KCNAB1: variants seen among roughly 807,000 people sequenced by gnomAD.
The protein encoded by KCNAB1 is potassium voltage-gated channel subfamily A regulatory beta subunit 1.
Under a neutral mutation model 64.6 loss-of-function variants are expected in KCNAB1, and 35 were observed. The observed-to-expected ratio is 0.54, with a 90% confidence interval of 0.41 to 0.72. The LOEUF (loss-of-function observed/expected upper bound fraction) is 0.72, where lower values mean the gene tolerates loss of function less well. Ranked by LOEUF, KCNAB1 falls within the 30% of genes least tolerant of loss-of-function variation. The probability of loss-of-function intolerance (pLI) is 0.00; values close to 1 mark genes in which losing one functional copy is unlikely to be tolerated. For missense variants in KCNAB1, 401 were observed against 512.9 expected (o/e 0.78, Z 2.11); for synonymous variants, 177 against 183.8 (o/e 0.96, Z 0.30).
intron 1 of KCNAB1, among the ~76,000 whole-genome samples, chr3:156,335,304 C>T (rs897286796): frequency 6.6e-6 from 1 of 152,218 alleles, no homozygotes; most frequent in Non-Finnish European, 1.5e-5. Context: ...CACACCCTCC[C>T]CTTTGCCCTC....
At chr3:156,361,802 G>A (rs748136055) in intron 1 of KCNAB1, among the ~76,000 whole-genome samples, 1 of 152,062 alleles carries the variant, frequency 6.6e-6, no homozygotes, top group Non-Finnish European at 1.5e-5. Flanking sequence ...GGGAGTACAG[G>A]CTCATGCCAC....
intron 1 of KCNAB1, among the ~76,000 whole-genome samples, chr3:156,211,141 G>A (rs997379043): frequency 1.3e-5 from 2 of 152,132 alleles, no homozygotes; most frequent in African/African-American, 4.8e-5. Flanking sequence ...TCTCATCCAT[G>A]CTGAGAGAAT....
Position 156,400,288 on chromosome 3 carries a change from G to A in KCNAB1, c.276-21328G>A, listed in dbSNP as rs114868842. Among the ~76,000 whole-genome samples, 444 of 152,298 alleles carry A rather than the reference G, an allele frequency of 2.9e-3. 1 individual carries two copies. Among genetic ancestry groups the A allele is most frequent in the Admixed American group, 8.8e-3 (134 of 15,300 alleles). On this transcript the variant is annotated intron_variant, in intron 1 of 13. Transcript: ENST00000490337. ...ATGTGTTTGGAGCCTGTAAAACCCT[G>A]CAGCCTGCAAAGATAACCACCACTG...
intron 1 of KCNAB1, among the ~76,000 whole-genome samples, chr3:156,200,582 C>T (rs542391408): frequency 7.4e-4 from 113 of 152,242 alleles, no homozygotes; most frequent in Non-Finnish European, 1.2e-3. Context: ...TGGTGAATTC[C>T]GCAGAAATTC....
rs1325318415 is a variant in KCNAB1, at chr3:156,502,726, G to T, written c.659-11638G>T. 2.0e-5 allele frequency among the ~76,000 whole-genome samples: 3 copies of T among 152,298 alleles called. No homozygotes were observed. In the East Asian group the frequency reaches 5.8e-4, roughly 29 times the overall value. ...GACCCATGTTCAAACTATAAAAGTT[G>T]CTTTTTTACAGACTGAGTTAGTTCA... On this transcript the variant is annotated intron_variant, in intron 8 of 13. Coordinates refer to ENST00000490337, the MANE Select transcript of KCNAB1 (RefSeq NM_172160.3).
At chr3:156,137,009 G>A (rs753570566) in intron 1 of KCNAB1, among the ~76,000 whole-genome samples, 5 of 152,006 alleles carry the variant, frequency 3.3e-5, no homozygotes, top group African/African-American at 9.7e-5. Context: ...CAATAAATAC[G>A]CTCATTTTTT....
In KCNAB1 at chr3:156,247,708, A is replaced by G. The variant is rs534926084; in HGVS notation, c.275+126822A>G. Among the ~76,000 whole-genome samples the G allele has an allele frequency of 3.3e-5, 5 of 152,274 alleles. No homozygotes were observed. The East Asian group carries it at 9.7e-4, about 29-fold the overall frequency. ...CTCCCAGATAGCTAGGACTACAGGCATGAACCACCATGCCCCACTAATTTT... is the reference window on the plus strand; with the variant it reads ...CTCCCAGATAGCTAGGACTACAGGCGTGAACCACCATGCCCCACTAATTTT... On this transcript the variant is annotated intron_variant, in intron 1 of 13. Coordinates refer to ENST00000490337, the MANE Select transcript of KCNAB1 (RefSeq NM_172160.3).
intron 12 of KCNAB1, among the ~76,000 whole-genome samples, chr3:156,528,047 T>C (rs1718446607): frequency 6.6e-6 from 1 of 152,176 alleles, no homozygotes; most frequent in African/African-American, 2.4e-5. Flanking sequence ...ATTAGGGGAA[T>C]CAGCTGTTGG....
intron 1 of KCNAB1, among the ~76,000 whole-genome samples, chr3:156,123,119 A>T (rs537086566): frequency 6.6e-6 from 1 of 152,236 alleles, no homozygotes; most frequent in African/African-American, 2.4e-5. Context: ...AACATGGCCC[A>T]TGAGTGATAT....
chr3:156,383,593 T>G (rs1712342015), intron 1 of KCNAB1, among the ~76,000 whole-genome samples: 1 of 152,184 alleles, frequency 6.6e-6, no homozygotes, highest in Admixed American at 6.5e-5. Context: ...TGTTTCTTTC[T>G]AATAACATCA....
chr3:156,347,830 A>G (rs1417702616), intron 1 of KCNAB1, among the ~76,000 whole-genome samples: 6 of 152,184 alleles, frequency 3.9e-5, no homozygotes, highest in Admixed American at 2.6e-4. Context: ...TGAGTTTCCT[A>G]TGGAAAATTC....
chr3:156,160,127 T>A (rs545420982), intron 1 of KCNAB1, among the ~76,000 whole-genome samples: 1 of 152,308 alleles, frequency 6.6e-6, no homozygotes, highest in South Asian at 2.1e-4. Flanking sequence ...ACAAGTGGTC[T>A]AAGACTAGAA....
chr3:156,482,086 C>G (rs1215271119), intron 8 of KCNAB1, among the ~76,000 whole-genome samples: 1 of 152,116 alleles, frequency 6.6e-6, no homozygotes, highest in African/African-American at 2.4e-5. Flanking sequence ...ATGTAAGATT[C>G]AAGCCATGGA....
At chr3:156,340,449 G>A (rs1724022964) in intron 1 of KCNAB1, among the ~76,000 whole-genome samples, 1 of 152,188 alleles carries the variant, frequency 6.6e-6, no homozygotes, top group South Asian at 2.1e-4. Flanking sequence ...CATGCCAGGT[G>A]CAAGGTCCTG....
chr3:156,176,782 C>T, intron 1 of KCNAB1: 1 of 874,794 alleles, frequency 1.1e-6, no homozygotes, highest in Non-Finnish European at 2.0e-6. Context: ...TGCAGCAAAG[C>T]TCCTGGCGTC....
intron 1 of KCNAB1, among the ~76,000 whole-genome samples, chr3:156,357,751 C>A (rs6775545): frequency 0.1 from 15,343 of 150,320 alleles, 2,587 homozygotes; most frequent in African/African-American, 0.35. Context: ...GATTCAGATA[C>A]CTTATCAATA....
intron 1 of KCNAB1, among the ~76,000 whole-genome samples, chr3:156,387,631 A>G (rs1712714216): frequency 6.6e-6 from 1 of 152,220 alleles, no homozygotes; most frequent in Non-Finnish European, 1.5e-5. Context: ...GGAAAGGACA[A>G]TTACTAGACA....
chr3:156,514,928 CA>C (rs889989790), intron 9 of KCNAB1, among the ~76,000 whole-genome samples, 171 bp from the exon 10 acceptor site: 15 of 152,314 alleles, frequency 9.8e-5, no homozygotes, highest in African/African-American at 3.6e-4. Flanking sequence ...TCCTACCTTT[CA>C]TATTGCTCTT....
intron 1 of KCNAB1, among the ~76,000 whole-genome samples, chr3:156,278,951 A>C (rs1326885512): frequency 6.6e-6 from 1 of 151,746 alleles, no homozygotes; most frequent in Non-Finnish European, 1.5e-5. Context: ...TTATTTTTTT[A>C]TTTATTTTTA....
Sources: gnomAD v4.1 joint callset for allele counts (sites outside exome capture counted in the v4.1 genomes callset) on GRCh38, gnomAD v4.1.1 for gene constraint, MANE v1.5 for transcripts, NCBI Gene and HGNC (gene_info 2026-07-23, HGNC 2026-07-21) for gene names.